The following ARHGAP42 variants were observed in gnomAD, a reference collection of about 807,000 sequenced individuals.
ARHGAP42 encodes the protein rho GTPase-activating protein 42.
ARHGAP42 carries 63 observed loss-of-function variants against 125.0 expected under a neutral mutation model. The observed-to-expected ratio is 0.50, with a 90% CI of 0.41 to 0.62. ARHGAP42 has a LOEUF of 0.62. Ranked by LOEUF, ARHGAP42 falls within the 20% of genes least tolerant of loss-of-function variation. The pLI is 0.00. For synonymous variants in ARHGAP42, 339 were observed against 351.0 expected (o/e 0.97, Z 0.38); for missense variants, 766 against 1,024.2 (o/e 0.75, Z 3.44).
chr11:100,960,853 A>T (rs1156709222), intron 13 of ARHGAP42, 62 bp from the exon 14 acceptor site: 11 of 1,130,174 alleles, frequency 9.7e-6, no homozygotes, highest in Non-Finnish European at 1.3e-5. Flanking sequence ...CTGAGTTTTT[A>T]ACATTCTGTA....
chr11:100,706,064 C>G (rs953810946), intron 1 of ARHGAP42, among the ~76,000 whole-genome samples: 3 of 149,278 alleles, frequency 2.0e-5, no homozygotes, highest in Non-Finnish European at 4.4e-5. Context: ...ACTGCAACCT[C>G]TGCATCCCGG....
rs1359975691 is a variant in ARHGAP42, at chr11:100,965,656, T to C, written c.1445-15T>C. 1 of 1,546,282 alleles carries C rather than the reference T, an allele frequency of 6.5e-7. No homozygotes were observed. The highest frequency in any genetic ancestry group is 1.2e-5 in the South Asian group (1 of 83,832). On this transcript the variant is annotated splice_polypyrimidine_tract_variant and intron_variant, in intron 16 of 23. Coordinates refer to ENST00000298815, the MANE Select transcript of ARHGAP42 (RefSeq NM_152432.4). The stretch of plus-strand genomic sequence containing the variant: ...AATTAAAACTTGAGCATTTGCAATC[T>C]TTTTTATGTAACAGAATCTGATGAT...
At chr11:100,909,109 T>G (rs557579652) in intron 4 of ARHGAP42, among the ~76,000 whole-genome samples, 3 of 152,220 alleles carry the variant, frequency 2.0e-5, no homozygotes, top group Non-Finnish European at 4.4e-5. Context: ...GTTGATTGAA[T>G]TCCTTGTAGG....
intron 18 of ARHGAP42, among the ~76,000 whole-genome samples, chr11:100,974,019 A>G (rs571018214): frequency 1.3e-5 from 2 of 152,270 alleles, no homozygotes; most frequent in African/African-American, 4.8e-5. Flanking sequence ...GTAGCTCTGC[A>G]CATACCTTAA....
intron 1 of ARHGAP42, among the ~76,000 whole-genome samples, chr11:100,763,516 C>T (rs1483819399): frequency 6.6e-6 from 1 of 152,094 alleles, no homozygotes; most frequent in East Asian, 1.9e-4. Context: ...GAGACAGAGT[C>T]TTGCTGTGTC....
intron 1 of ARHGAP42, among the ~76,000 whole-genome samples, chr11:100,720,685 T>G (rs2120267666): frequency 2.7e-5 from 1 of 36,942 alleles, no homozygotes; most frequent in South Asian, 6.2e-4. Flanking sequence ...GAGATAACCT[T>G]TTTTTTTTGA....
At chr11:100,877,875 C>G (rs1287155555) in intron 4 of ARHGAP42, among the ~76,000 whole-genome samples, 2 of 151,760 alleles carry the variant, frequency 1.3e-5, no homozygotes, top group East Asian at 2.0e-4. Context: ...CGTGGTGGCA[C>G]ATGCCTGTAA....
intron 1 of ARHGAP42, among the ~76,000 whole-genome samples, chr11:100,694,357 A>C (rs956989385): frequency 6.6e-6 from 1 of 152,236 alleles, no homozygotes; most frequent in Non-Finnish European, 1.5e-5. Context: ...AGCTGCATTA[A>C]GTAAATGATA....
chr11:100,856,531 A>T (rs1865326463), intron 3 of ARHGAP42, among the ~76,000 whole-genome samples: 1 of 152,044 alleles, frequency 6.6e-6, no homozygotes, highest in African/African-American at 2.4e-5. Flanking sequence ...TGATCTCTTG[A>T]ATTTAAATTT....
chr11:100,728,282 A>C (rs1374765242), intron 1 of ARHGAP42, among the ~76,000 whole-genome samples: 2 of 152,144 alleles, frequency 1.3e-5, no homozygotes, highest in Non-Finnish European at 2.9e-5. Context: ...CCACCTGCAA[A>C]AGGGGTGGGA....
chr11:100,871,423 A>G (rs1318175379), intron 4 of ARHGAP42, among the ~76,000 whole-genome samples: 1 of 151,684 alleles, frequency 6.6e-6, no homozygotes. Context: ...GGGCATGCCT[A>G]TAATCCCAGC....
intron 3 of ARHGAP42, among the ~76,000 whole-genome samples, chr11:100,799,199 A>C (rs1226812720): frequency 6.6e-6 from 1 of 152,204 alleles, no homozygotes; most frequent in Admixed American, 6.5e-5. Context: ...TTTGGTAGCC[A>C]TGTGAGAAAG....
intron 3 of ARHGAP42, among the ~76,000 whole-genome samples, chr11:100,798,767 A>G (rs1863783586): frequency 6.6e-6 from 1 of 152,182 alleles, no homozygotes; most frequent in African/African-American, 2.4e-5. Context: ...TCTCTGAGGT[A>G]TGCCTGGTTG....
chr11:100,728,504 T>A (rs1861899615), intron 1 of ARHGAP42, among the ~76,000 whole-genome samples: 1 of 151,990 alleles, frequency 6.6e-6, no homozygotes, highest in South Asian at 2.1e-4. Flanking sequence ...TGGTTCATCC[T>A]CTCAGATATG....
At chr11:100,804,031 A>T (rs1469180899) in intron 3 of ARHGAP42, among the ~76,000 whole-genome samples, 2 of 152,220 alleles carry the variant, frequency 1.3e-5, no homozygotes, top group Non-Finnish European at 2.9e-5. Context: ...TCACTCTGTC[A>T]CCTGGGCTCG....
chr11:100,841,367 G>A (rs1864943458), intron 3 of ARHGAP42, among the ~76,000 whole-genome samples: 1 of 151,788 alleles, frequency 6.6e-6, no homozygotes, highest in African/African-American at 2.4e-5. Flanking sequence ...GTTCAATTTA[G>A]GGGCAGAACT....
intron 4 of ARHGAP42, among the ~76,000 whole-genome samples, chr11:100,887,718 C>T (rs189834422): frequency 3.1e-4 from 47 of 152,336 alleles, no homozygotes; most frequent in Admixed American, 2.9e-3. Context: ...AGACAGTCTG[C>T]AGCTGTCAGC....
At chr11:100,948,242 A>G (rs1018082482) in intron 10 of ARHGAP42, among the ~76,000 whole-genome samples, 2 of 152,134 alleles carry the variant, frequency 1.3e-5, no homozygotes, top group Admixed American at 1.3e-4. Context: ...ACCTGTGATC[A>G]TTAGAATTAA....
At chr11:100,960,614 A>G (rs533585355) in intron 13 of ARHGAP42, among the ~76,000 whole-genome samples, 13 of 152,286 alleles carry the variant, frequency 8.5e-5, no homozygotes, top group African/African-American at 3.1e-4. Context: ...GAAGAAATAG[A>G]ATATGAGTAA....
Sources: allele counts gnomAD v4.1 joint callset (sites outside exome capture counted in the v4.1 genomes callset), GRCh38; gene constraint gnomAD v4.1.1; transcripts MANE v1.5; gene names NCBI Gene and HGNC (gene_info 2026-07-23, HGNC 2026-07-21).